Variants in IL31RA observed in about 807,000 individuals in gnomAD.
IL31RA encodes interleukin-31 receptor subunit alpha.
A neutral mutation model predicts 83.7 loss-of-function variants in IL31RA; 66 were observed. The ratio of observed to expected loss-of-function variants is 0.79; its 90% CI spans 0.65 to 0.97. The LOEUF is 0.97. IL31RA is among the 50% of genes least tolerant of loss of function. The pLI is 0.00. For synonymous variants in IL31RA, 325 were observed against 329.0 expected (o/e 0.99, Z 0.13); for missense variants, 798 against 919.4 (o/e 0.87, Z 1.71).
chr5:55,856,700 T>C (rs1403223247), intron 1 of IL31RA, among the ~76,000 whole-genome samples: 4 of 152,228 alleles, frequency 2.6e-5, no homozygotes, highest in African/African-American at 9.6e-5. Flanking sequence ...GTATCTTTCA[T>C]CAGGTTCATG....
At chr5:55,907,071 A>G (rs1749201640) in intron 9 of IL31RA, among the ~76,000 whole-genome samples, 2 of 152,256 alleles carry the variant, frequency 1.3e-5, no homozygotes, top group Non-Finnish European at 2.9e-5. Context: ...CAGCGATCCT[A>G]TGGATCTCTC....
At position 55,883,575 on chromosome 5, in the gene IL31RA, C is replaced by T. The variant is rs140155253; in HGVS notation, c.606+380C>T. On this transcript the variant is annotated intron_variant, in intron 5 of 14. Transcript: ENST00000652347. ...CATACATTTGGAAAGGTGAACAAAA[C>T]GTAATATTACATTTAACAAATTATT... Among the ~76,000 whole-genome samples, 269 of 152,248 alleles carry T rather than the reference C, an allele frequency of 1.8e-3. 3 individuals carry two copies. The highest frequency in any genetic ancestry group is 6.3e-3 in the African/African-American group (261 of 41,544).
chr5:55,867,318 C>CGTGT (rs1243377169), intron 2 of IL31RA, among the ~76,000 whole-genome samples: 540 of 40,850 alleles, frequency 0.013, 3 homozygotes, highest in African/African-American at 0.054. Flanking sequence ...TGTGTGTGTG[C>CGTGT]GTGTGTGTGT....
intron 2 of IL31RA, among the ~76,000 whole-genome samples, chr5:55,864,138 C>G (rs1580659594): frequency 1.3e-5 from 2 of 152,248 alleles, no homozygotes; most frequent in East Asian, 1.9e-4. Flanking sequence ...CTTCTTGTTT[C>G]CTTGTTCTCT....
At chr5:55,882,244 T>C (rs532432367) in intron 4 of IL31RA, among the ~76,000 whole-genome samples, 1 of 152,278 alleles carries the variant, frequency 6.6e-6, no homozygotes, top group African/African-American at 2.4e-5. Flanking sequence ...ACCATGAATG[T>C]GCGATAATAG....
At chr5:55,848,666 C>T (rs1744989195), upstream of IL31RA, among the ~76,000 whole-genome samples, 1 of 152,156 alleles carries the variant, frequency 6.6e-6, no homozygotes, top group Non-Finnish European at 1.5e-5. Flanking sequence ...ATGATTATTT[C>T]TTTTAGATAA....
chr5:55,887,425 GATCTC>G (rs1283701549), intron 5 of IL31RA, among the ~76,000 whole-genome samples: 1 of 152,124 alleles, frequency 6.6e-6, no homozygotes, highest in Non-Finnish European at 1.5e-5. Flanking sequence ...CTTAGAAAGG[GATCTC>G]AAAAGTATTT....
chr5:55,910,354 G>C (rs1749426364), intron 11 of IL31RA, among the ~76,000 whole-genome samples, 178 bp from the exon 12 acceptor site: 2 of 152,164 alleles, frequency 1.3e-5, no homozygotes, highest in Non-Finnish European at 2.9e-5. Flanking sequence ...TATAGTTCTA[G>C]TTCTTATATT....
intron 6 of IL31RA, among the ~76,000 whole-genome samples, chr5:55,890,758 G>T (rs186945587): frequency 6.6e-6 from 1 of 152,306 alleles, no homozygotes; most frequent in East Asian, 1.9e-4. Context: ...AAATAAAGGT[G>T]TAACTAATAC....
chr5:55,891,120 C>T (rs566176396), intron 6 of IL31RA, among the ~76,000 whole-genome samples: 32 of 152,194 alleles, frequency 2.1e-4, no homozygotes, highest in Non-Finnish European at 8.8e-5. Context: ...ATTATTTATC[C>T]TCCTACTATT....
At position 55,910,673 on chromosome 5, in the gene IL31RA, G is replaced by T. The variant is rs762469767; in HGVS notation, c.1642+1G>T. ...ATAAATTTCAAGACATTGTCATTCA[G>T]TGAGTATTTCCTTCAAGCCTTAGGT... On this transcript the variant is annotated splice_donor_variant, in intron 12 of 14. Coordinates refer to ENST00000652347, the MANE Select transcript of IL31RA (RefSeq NM_139017.7). LOFTEE classifies it high-confidence loss of function. 1 of 1,614,178 alleles carries T rather than the reference G, an allele frequency of 6.2e-7. No homozygotes were observed. Among genetic ancestry groups the T allele is most frequent in the Admixed American group, 1.7e-5 (1 of 60,034 alleles).
At position 55,896,429 on chromosome 5, in the gene IL31RA, G is replaced by A; in HGVS notation, c.852G>A (p.Lys284=). ...DGRRPVRLLW[K]KARGAPVLEK... Reference sequence around the variant, plus strand: ...GAAGGCCAGTGCGGTTGTTATGGAAGGTGACCTCCCTCTGGATTCTTTTTC... The same window carrying A: ...GAAGGCCAGTGCGGTTGTTATGGAAAGTGACCTCCCTCTGGATTCTTTTTC... The change falls in exon 7 of 15, where the codon AAG becomes AAA. Residue 284 remains lysine, a splice_region_variant and synonymous_variant. Transcript: ENST00000652347. 6.2e-7 allele frequency: 1 copy of A among 1,606,562 alleles called. No individual in the cohort carries two copies. Among genetic ancestry groups the A allele is most frequent in the South Asian group, 1.1e-5 (1 of 90,918 alleles).
rs770965078 is a variant in IL31RA at position 55,919,730 on chromosome 5, A to G, written c.*2610A>G. On this transcript the variant is annotated 3_prime_UTR_variant, in exon 15 of 15. Transcript: ENST00000652347. ...GAGGAGCTGTTTCTATGAGTCCCCA[A>G]AAGGCACTGGTGGGCCACACCTTAG... is the stretch of plus-strand genomic sequence containing the variant. Among the ~76,000 whole-genome samples the G allele has an allele frequency of 6.6e-6, 1 of 152,192 alleles. No individual in the cohort carries two copies. Among genetic ancestry groups the G allele is most frequent in the South Asian group, 2.1e-4 (1 of 4,820 alleles).
intron 4 of IL31RA, among the ~76,000 whole-genome samples, chr5:55,880,698 C>T (rs1275292866): frequency 1.3e-5 from 2 of 152,154 alleles, no homozygotes; most frequent in African/African-American, 4.8e-5. Flanking sequence ...GGGAAACCAC[C>T]AGAGATGTAA....
In IL31RA at chr5:55,916,824, G is replaced by T; in HGVS notation, c.1999G>T (p.Glu667Ter). Residue 667 changes from glutamate to a stop codon, truncating the protein, a stop_gained, in exon 15 of 15, where the codon GAA (glutamate) becomes TAA (stop). Coordinates refer to ENST00000652347, the MANE Select transcript of IL31RA (RefSeq NM_139017.7). LOFTEE classifies it low-confidence loss of function (END_TRUNC). ...GGGTCAGGAAAACAATTTAGGAGGG[G>T]AAAAGAATGGGTATGTGACCTGCCC... ...RTGQENNLGG[E>*]KNGYVTCPFR... 1.2e-6 allele frequency: 2 copies of T among 1,614,216 alleles called. No homozygotes were observed. The highest frequency in any genetic ancestry group is 1.7e-6 in the Non-Finnish European group (2 of 1,180,044).
Position 55,916,963 on chromosome 5 carries a change from C to T in IL31RA, c.2138C>T (p.Pro713Leu), listed in dbSNP as rs200167876. The part of the protein sequence containing the change: ...LRSRMPEGTR[P>L]EAKEQLLFSG... ...TCGAGGATGCCAGAGGGGACCCGCCCAGAAGCCAAAGAGCAGCTTCTCTTT... is the reference window on the plus strand; with the variant it reads ...TCGAGGATGCCAGAGGGGACCCGCCTAGAAGCCAAAGAGCAGCTTCTCTTT... Residue 713 changes from proline to leucine, a missense_variant, in exon 15 of 15, where the codon CCA becomes CTA. Pro to Leu is a moderately conservative substitution (Grantham distance 98, BLOSUM62 -3). Coordinates refer to ENST00000652347, the MANE Select transcript of IL31RA (RefSeq NM_139017.7). 22 of 1,613,926 alleles carry T rather than the reference C, an allele frequency of 1.4e-5. No homozygotes were observed. The East Asian group carries it at 4.7e-4, about 34-fold the overall frequency.
In IL31RA at chr5:55,851,444, C is replaced by T. The variant is rs996967949; in HGVS notation, c.-127C>T. ...AAACAGCAAAATCACTCATAAAAGG[C>T]AAAAAATTGCAAAAAAAAATAGTAA... On this transcript the variant is annotated 5_prime_UTR_variant, in exon 1 of 15. Coordinates refer to ENST00000652347, the MANE Select transcript of IL31RA (RefSeq NM_139017.7). 5.7e-6 allele frequency: 9 copies of T among 1,582,648 alleles called. 1 individual carries two copies. The Admixed American group carries it at 1.4e-4, about 25-fold the overall frequency.
intron 7 of IL31RA, among the ~76,000 whole-genome samples, chr5:55,898,920 A>G (rs1748632949): frequency 6.6e-6 from 1 of 152,104 alleles, no homozygotes; most frequent in Admixed American, 6.6e-5. Flanking sequence ...GCTACTCGGG[A>G]GGCTGAGGCA....
At position 55,888,048 on chromosome 5, in the gene IL31RA, A is replaced by C. The variant is rs114090318; in HGVS notation, c.607-1922A>C. Among the ~76,000 whole-genome samples, 8 of 151,896 alleles carry C rather than the reference A, an allele frequency of 5.3e-5. No homozygotes were observed. In the East Asian group the frequency reaches 7.7e-4, roughly 15 times the overall value. On this transcript the variant is annotated intron_variant, in intron 5 of 14. Transcript: ENST00000652347. ...CTGGGCAACAGAGTCAGGGAAAAAA[A>C]AAAAAACAAAAAACCACACACACAG...
Sources: allele counts gnomAD v4.1 joint callset (sites outside exome capture counted in the v4.1 genomes callset), GRCh38; gene constraint gnomAD v4.1.1; transcripts MANE v1.5; gene names NCBI Gene and HGNC (gene_info 2026-07-23, HGNC 2026-07-21).